Variants in DLGAP1 observed in about 807,000 individuals in gnomAD.
The protein encoded by DLGAP1 is disks large-associated protein 1.
Under a neutral mutation model 90.8 loss-of-function variants are expected in DLGAP1, and 11 were observed. The ratio of observed to expected loss-of-function variants is 0.12; its 90% CI spans 0.08 to 0.20. The LOEUF (loss-of-function observed/expected upper bound fraction) is 0.20, where lower values mean the gene tolerates loss of function less well. Among genes scored for constraint, DLGAP1 ranks in the 10% least tolerant of loss-of-function variants. The pLI is 1.00. For missense variants in DLGAP1, 1,050 were observed against 1,333.8 expected, an observed-to-expected ratio of 0.79 and a Z score of 3.31; for synonymous variants, 558 against 540.7, an observed-to-expected ratio of 1.03 and a Z score of -0.44.
At chr18:3,652,008 G>A (rs1046624548) in intron 7 of DLGAP1, among the ~76,000 whole-genome samples, 2 of 142,646 alleles carry the variant, frequency 1.4e-5, no homozygotes, top group Admixed American at 1.4e-4. Context: ...AAAACAAAAA[G>A]CAAAAGTTAG....
At chr18:4,397,703 C>T (rs895542719) in intron 1 of DLGAP1, among the ~76,000 whole-genome samples, 1 of 152,082 alleles carries the variant, frequency 6.6e-6, no homozygotes, top group East Asian at 1.9e-4. Context: ...TAAATTTCAA[C>T]CATTATTATG....
chr18:3,914,922 T>C (rs1259348112), intron 3 of DLGAP1, among the ~76,000 whole-genome samples: 3 of 152,150 alleles, frequency 2.0e-5, no homozygotes, highest in Non-Finnish European at 1.5e-5. Flanking sequence ...TTTTGTGTTT[T>C]TGTAGAGACA....
At chr18:4,390,756 T>C (rs1485320709) in intron 1 of DLGAP1, among the ~76,000 whole-genome samples, 5 of 152,212 alleles carry the variant, frequency 3.3e-5, no homozygotes, top group Admixed American at 2.6e-4. Context: ...ATGGAAGACA[T>C]CTTGGTTGCC....
chr18:3,729,494 A>C lies in DLGAP1; in HGVS notation c.1351-119T>G. The C allele has an allele frequency of 3.8e-5, 52 of 1,357,732 alleles. No individual in the cohort carries two copies. The highest frequency in any genetic ancestry group is 4.6e-5 in the Non-Finnish European group (46 of 1,006,536). 84.1% of individuals were successfully genotyped at this position (1,357,732 alleles called of 1,614,324 possible). ...AGCAGCGTCTGGTTAGATTAAGCTCAAATGCATTTTATTTCCTTTCTGTTA... is the reference window on the plus strand; with the variant it reads ...AGCAGCGTCTGGTTAGATTAAGCTCCAATGCATTTTATTTCCTTTCTGTTA... On this transcript the variant is annotated intron_variant, in intron 6 of 12. Coordinates refer to ENST00000315677, the MANE Select transcript of DLGAP1 (RefSeq NM_004746.4). This position sits in a 1 kb window ranked among gnomAD's most constrained non-coding sequence, Gnocchi z 6.2.
intron 2 of DLGAP1, among the ~76,000 whole-genome samples, chr18:4,126,623 TGCTTTTTTTCTTGGAAGAACCCTTTAGA>T (rs2076237266): frequency 6.6e-6 from 1 of 152,180 alleles, no homozygotes; most frequent in African/African-American, 2.4e-5. Flanking sequence ...GAAATGAGAA[TGCTTTTTTTCTTGGAAGAACCCTTTAGA>T]AATTTATAGG....
chr18:3,685,131 T>C (rs1466582373), intron 7 of DLGAP1, among the ~76,000 whole-genome samples: 1 of 152,194 alleles, frequency 6.6e-6, no homozygotes, highest in Non-Finnish European at 1.5e-5. Flanking sequence ...ATTTTAGTTA[T>C]TGCCTTAATA....
intron 1 of DLGAP1, among the ~76,000 whole-genome samples, chr18:4,307,138 T>G (rs981042230): frequency 2.6e-5 from 4 of 152,212 alleles, no homozygotes. Flanking sequence ...TTAGAATGTG[T>G]TAATGTGCTA....
chr18:4,229,118 A>G (rs78466653), intron 1 of DLGAP1, among the ~76,000 whole-genome samples: 140 of 152,156 alleles, frequency 9.2e-4, no homozygotes, highest in African/African-American at 3.2e-3. Flanking sequence ...CCTAGAAATT[A>G]ACTTAACCAA....
rs554683676 is a variant in DLGAP1 at position 3,763,601 on chromosome 18, G to T, written c.1173-21089C>A. Among the ~76,000 whole-genome samples the T allele has an allele frequency of 5.9e-5, 9 of 151,618 alleles. No homozygotes were observed. The South Asian group carries it at 1.7e-3, about 28-fold the overall frequency. ...TTAGATCTTCTTTATATCAAATGAT[G>T]TTAAATCATCCCAAATTTTGATCCT... On this transcript the variant is annotated intron_variant, in intron 5 of 12. Transcript: ENST00000315677.
chr18:3,601,043 GAT>G (rs1383082989), intron 7 of DLGAP1, among the ~76,000 whole-genome samples: 12 of 145,722 alleles, frequency 8.2e-5, no homozygotes, highest in African/African-American at 3.0e-4. Flanking sequence ...TAGAGATAAA[GAT>G]ATAGATAGAT....
At chr18:3,812,373 ATTT>A (rs199630283) in intron 5 of DLGAP1, among the ~76,000 whole-genome samples, 2 of 147,006 alleles carry the variant, frequency 1.4e-5, no homozygotes. Flanking sequence ...ATTTCCACGA[ATTT>A]TTTTTTTTTT....
intron 4 of DLGAP1, among the ~76,000 whole-genome samples, chr18:3,873,050 TAA>T (rs1159316683): frequency 2.0e-5 from 3 of 152,188 alleles, no homozygotes; most frequent in Non-Finnish European, 4.4e-5. Context: ...CCAAGAATAA[TAA>T]AGTTTCTTTA....
chr18:4,005,668 T>C (rs753350834), intron 2 of DLGAP1, among the ~76,000 whole-genome samples: 1 of 152,148 alleles, frequency 6.6e-6, no homozygotes, highest in Non-Finnish European at 1.5e-5. Context: ...CCTGTGTCTT[T>C]AGTTTCTTCC....
At chr18:3,639,529 G>A (rs1342019362) in intron 7 of DLGAP1, among the ~76,000 whole-genome samples, 1 of 152,062 alleles carries the variant, frequency 6.6e-6, no homozygotes, top group Non-Finnish European at 1.5e-5. Context: ...GGCGGTCACG[G>A]GGCTAGAATT....
At chr18:4,218,009 C>T (rs184020407) in intron 1 of DLGAP1, among the ~76,000 whole-genome samples, 4 of 149,490 alleles carry the variant, frequency 2.7e-5, no homozygotes, top group Admixed American at 2.0e-4. Flanking sequence ...GTACGTTTTT[C>T]CCTCTTATGT....
intron 2 of DLGAP1, among the ~76,000 whole-genome samples, chr18:4,148,179 G>C (rs1278537042): frequency 6.6e-6 from 1 of 152,108 alleles, no homozygotes; most frequent in Admixed American, 6.5e-5. Flanking sequence ...AAGCGGGCTA[G>C]ATAAGCTTGC....
Position 3,567,478 on chromosome 18 carries a change from A to T in DLGAP1, c.2057+12T>A, listed in dbSNP as rs1487801163. 6.2e-7 allele frequency: 1 copy of T among 1,609,764 alleles called. No homozygotes were observed. Among genetic ancestry groups the T allele is most frequent in the Non-Finnish European group, 8.5e-7 (1 of 1,176,310 alleles). ...CATCAAGACAAAAGAGGATGCGTGC[A>T]TGTGGACTTACCACTTCTCTTCTTC... On this transcript the variant is annotated intron_variant, in intron 9 of 12. Transcript: ENST00000315677.
At chr18:4,231,265 T>C (rs1221173536) in intron 1 of DLGAP1, among the ~76,000 whole-genome samples, 1 of 152,164 alleles carries the variant, frequency 6.6e-6, no homozygotes, top group Non-Finnish European at 1.5e-5. Flanking sequence ...AAATGCTTGC[T>C]GCCAATAAAG....
intron 3 of DLGAP1, among the ~76,000 whole-genome samples, chr18:4,000,544 TTCTC>T (rs1312999507): frequency 1.3e-5 from 2 of 152,206 alleles, no homozygotes; most frequent in African/African-American, 2.4e-5. Context: ...TTGTCGATGA[TTCTC>T]TAGTCATATT....
Sources: allele counts gnomAD v4.1 joint callset (sites outside exome capture counted in the v4.1 genomes callset), GRCh38; gene constraint gnomAD v4.1.1; non-coding constraint Gnocchi (gnomAD v3.1); transcripts MANE v1.5; gene names NCBI Gene and HGNC (gene_info 2026-07-23, HGNC 2026-07-21).